The following FAF1 variants were observed in gnomAD, a reference collection of about 807,000 sequenced individuals.
The protein encoded by FAF1 is FAS-associated factor 1.
Under a neutral mutation model 92.5 loss-of-function variants are expected in FAF1, and 25 were observed. The ratio of observed to expected loss-of-function variants is 0.27; its 90% CI spans 0.20 to 0.38. The LOEUF (loss-of-function observed/expected upper bound fraction) is 0.38. Ranked by LOEUF, FAF1 falls within the 10% of genes least tolerant of loss-of-function variation. FAF1 has a pLI of 1.00. For synonymous variants in FAF1, 234 were observed against 273.2 expected (o/e 0.86, Z 1.42); for missense variants, 636 against 793.3 (o/e 0.80, Z 2.38).
chr1:50,779,148 T>C (rs1281405552), intron 4 of FAF1, among the ~76,000 whole-genome samples: 3 of 152,246 alleles, frequency 2.0e-5, no homozygotes, highest in African/African-American at 7.2e-5. Flanking sequence ...AGCAATTCAG[T>C]CACGTCTTCA....
intron 8 of FAF1, among the ~76,000 whole-genome samples, chr1:50,618,558 C>T (rs114004988): frequency 0.013 from 2,025 of 151,402 alleles, 44 homozygotes; most frequent in African/African-American, 0.044. Context: ...CCACCGCGCC[C>T]GGCCACCTAA....
rs547112681 is a variant in FAF1, at chr1:50,770,163, A to G, written c.367+17837T>C. 5.9e-5 allele frequency among the ~76,000 whole-genome samples: 9 copies of G among 152,346 alleles called. No individual in the cohort carries two copies. In the South Asian group the frequency reaches 1.4e-3, roughly 25 times the overall value. On this transcript the variant is annotated intron_variant, in intron 4 of 18. Coordinates refer to ENST00000396153, the MANE Select transcript of FAF1 (RefSeq NM_007051.3). ...CCAACATCATACTGAATTGAGCAAA[A>G]GTTAGAAGCATTCCCCTTGAAACCA...
intron 17 of FAF1, among the ~76,000 whole-genome samples, chr1:50,476,770 G>A (rs928560128): frequency 1.1e-4 from 17 of 151,478 alleles, no homozygotes; most frequent in Admixed American, 1.1e-3. Context: ...TCAGTGTCTG[G>A]TAATAAAAAA....
chr1:50,788,121 TGAA>T lies in FAF1; in HGVS notation c.243_245del (p.Ser82del), dbSNP rs746085267. 6.7e-5 allele frequency: 108 copies of T among 1,614,124 alleles called. No individual in the cohort carries two copies. Among genetic ancestry groups the T allele is most frequent in the African/African-American group, 8.0e-5 (6 of 75,034 alleles). ...TGGATGGCATTACAGGTCGAAACGC[TGAA>T]GAAGAAGAGGAAGTAGGAGCTGAAG... is the stretch of plus-strand genomic sequence containing the variant. On this transcript the variant is annotated inframe_deletion, in exon 4 of 19. Transcript: ENST00000396153.
At chr1:50,752,714 AT>A (rs1659917261) in intron 4 of FAF1, among the ~76,000 whole-genome samples, 1 of 151,958 alleles carries the variant, frequency 6.6e-6, no homozygotes, top group African/African-American at 2.4e-5. Flanking sequence ...AGACAGTCTC[AT>A]TTTGTCACCC....
intron 2 of FAF1, among the ~76,000 whole-genome samples, chr1:50,835,128 G>T (rs1644188907): frequency 1.3e-5 from 2 of 152,048 alleles, no homozygotes; most frequent in African/African-American, 2.4e-5. Flanking sequence ...GGCAAGAACT[G>T]GATTATATGA....
chr1:50,613,125 T>C (rs1376756196), intron 8 of FAF1, among the ~76,000 whole-genome samples: 2 of 152,204 alleles, frequency 1.3e-5, no homozygotes, highest in African/African-American at 4.8e-5. Context: ...GACTTGTAAT[T>C]TTCTAGAGAA....
chr1:50,640,829 ATTTTTTTTT>A (rs71059592), intron 8 of FAF1, among the ~76,000 whole-genome samples: 3 of 88,516 alleles, frequency 3.4e-5, no homozygotes, highest in East Asian at 6.9e-4. Context: ...TTATCAGCTG[ATTTTTTTTT>A]TTTTTTTTTT....
chr1:50,679,183 G>A lies in FAF1; in HGVS notation c.658-23655C>T, dbSNP rs368350043. On this transcript the variant is annotated intron_variant, in intron 7 of 18. Coordinates refer to ENST00000396153, the MANE Select transcript of FAF1 (RefSeq NM_007051.3). ...CATTGTTTTGTAACTGCTATATGTG[G>A]CAACAAAATTACTGATGGAAAGCAA... 7.0e-4 allele frequency among the ~76,000 whole-genome samples: 106 copies of A among 152,130 alleles called. 2 individuals carry two copies. In the East Asian group the frequency reaches 0.016, roughly 23 times the overall value.
intron 2 of FAF1, among the ~76,000 whole-genome samples, chr1:50,851,320 G>A (rs1238880751): frequency 1.3e-5 from 2 of 152,060 alleles, no homozygotes; most frequent in African/African-American, 4.8e-5. Context: ...TGACCCACTC[G>A]CATTGGCTTC....
At chr1:50,614,233 G>T (rs1414942076) in intron 8 of FAF1, among the ~76,000 whole-genome samples, 2 of 152,162 alleles carry the variant, frequency 1.3e-5, no homozygotes, top group African/African-American at 4.8e-5. Context: ...TGTATTCTAT[G>T]GGCAGACTCA....
chr1:50,838,023 G>A (rs753557965), intron 2 of FAF1, among the ~76,000 whole-genome samples: 1 of 152,086 alleles, frequency 6.6e-6, no homozygotes, highest in Non-Finnish European at 1.5e-5. Flanking sequence ...GATTACAGGC[G>A]TGAGCCACCG....
At chr1:50,937,993 A>G (rs969748802) in intron 1 of FAF1, among the ~76,000 whole-genome samples, 2 of 152,212 alleles carry the variant, frequency 1.3e-5, no homozygotes, top group East Asian at 1.9e-4. Context: ...TGCCTGGTAT[A>G]CCCTCAGTAC....
rs867426036 is a variant in FAF1 at position 50,918,490 on chromosome 1, A to G, written c.45+41277T>C. Reference sequence around the variant, plus strand: ...AGTTTACTGAGAATGATGGTTTCCAATTTCATCCATGTCCCTACAAAGGAC... The same window carrying G: ...AGTTTACTGAGAATGATGGTTTCCAGTTTCATCCATGTCCCTACAAAGGAC... On this transcript the variant is annotated intron_variant, in intron 1 of 18. Transcript: ENST00000396153. Among the ~76,000 whole-genome samples the G allele has an allele frequency of 5.4e-3, 242 of 44,832 alleles. 2 individuals are homozygous for G. Among genetic ancestry groups the G allele is most frequent in the African/African-American group, 0.022 (233 of 10,428 alleles). The allele number at this position is 44,832 out of a possible 152,430, so 29.4% of individuals were successfully genotyped here.
chr1:50,467,560 T>G (rs1322028271), intron 18 of FAF1, among the ~76,000 whole-genome samples: 1 of 152,022 alleles, frequency 6.6e-6, no homozygotes, highest in East Asian at 1.9e-4. Flanking sequence ...TGATCTGCCC[T>G]CCTCGGCATC....
intron 8 of FAF1, among the ~76,000 whole-genome samples, chr1:50,646,210 T>C (rs911746063): frequency 6.6e-6 from 1 of 152,156 alleles, no homozygotes; most frequent in Non-Finnish European, 1.5e-5. Context: ...CTCAATTGCA[T>C]TCTCCTCCAC....
chr1:50,910,893 A>C (rs1644880395), intron 1 of FAF1, among the ~76,000 whole-genome samples: 1 of 151,730 alleles, frequency 6.6e-6, no homozygotes, highest in African/African-American at 2.4e-5. Context: ...ACTGTCCAAC[A>C]AGCCCCAGTG....
rs947973404 is a variant in FAF1 at position 50,850,650 on chromosome 1, T to C, written c.114+7279A>G. On this transcript the variant is annotated intron_variant, in intron 2 of 18. Coordinates refer to ENST00000396153, the MANE Select transcript of FAF1 (RefSeq NM_007051.3). ...TAAATCAAATCCAAAAACATCTTAT[T>C]AAAAGATAAAAAAATGAGTACCTGG... Among the ~76,000 whole-genome samples, 9 of 151,974 alleles carry C rather than the reference T, an allele frequency of 5.9e-5. 1 individual carries two copies.
chr1:50,807,533 G>A (rs536507503), intron 2 of FAF1, among the ~76,000 whole-genome samples: 1 of 152,230 alleles, frequency 6.6e-6, no homozygotes, highest in Non-Finnish European at 1.5e-5. Context: ...CCACCCCCAT[G>A]GTCCAATCAC....
Sources: gnomAD v4.1 joint callset for allele counts (sites outside exome capture counted in the v4.1 genomes callset) on GRCh38, gnomAD v4.1.1 for gene constraint, MANE v1.5 for transcripts, NCBI Gene and HGNC (gene_info 2026-07-23, HGNC 2026-07-21) for gene names.